The following GRIA4 variants were observed in gnomAD, a reference collection of about 807,000 sequenced individuals.
GRIA4 encodes the protein glutamate receptor 4.
GRIA4 carries 34 observed loss-of-function variants against 104.0 expected under a neutral mutation model. That is an observed-to-expected ratio of 0.33 (90% CI 0.25 to 0.44). The LOEUF (loss-of-function observed/expected upper bound fraction) is 0.44, where lower values mean the gene tolerates loss of function less well. GRIA4 is among the 20% of genes least tolerant of loss of function. The probability of loss-of-function intolerance (pLI) is 1.00; values close to 1 mark genes in which losing one functional copy is unlikely to be tolerated. For synonymous variants in GRIA4, 386 were observed against 381.9 expected, an observed-to-expected ratio of 1.01 and a Z score of -0.13; for missense variants, 750 against 1,096.5, an observed-to-expected ratio of 0.68 and a Z score of 4.46.
intron 3 of GRIA4, among the ~76,000 whole-genome samples, chr11:105,667,594 C>T (rs1952207359): frequency 6.6e-6 from 1 of 152,002 alleles, no homozygotes; most frequent in African/African-American, 2.4e-5. Flanking sequence ...GATTCATAAA[C>T]AACCTGAGTA....
intron 14 of GRIA4, among the ~76,000 whole-genome samples, chr11:105,961,567 T>C (rs1192706590): frequency 1.3e-5 from 2 of 152,166 alleles, no homozygotes; most frequent in Admixed American, 6.5e-5. Context: ...ACCAGAAGTG[T>C]TTTGGATTTC....
chr11:105,858,518 T>C (rs777467297), intron 4 of GRIA4, among the ~76,000 whole-genome samples: 1 of 152,176 alleles, frequency 6.6e-6, no homozygotes, highest in Non-Finnish European at 1.5e-5. Flanking sequence ...AACATTCTAG[T>C]TATACTCTTA....
chr11:105,705,796 T>C (rs1953675894), intron 3 of GRIA4, among the ~76,000 whole-genome samples: 1 of 152,168 alleles, frequency 6.6e-6, no homozygotes, highest in African/African-American at 2.4e-5. Flanking sequence ...TGTCACACAT[T>C]GTTAGAGGCA....
At chr11:105,953,060 T>C (rs2136243927) in intron 14 of GRIA4, among the ~76,000 whole-genome samples, 1 of 152,316 alleles carries the variant, frequency 6.6e-6, no homozygotes, top group South Asian at 2.1e-4. Flanking sequence ...CTGGAATGAA[T>C]AATTTGGGAA....
intron 3 of GRIA4, among the ~76,000 whole-genome samples, chr11:105,676,554 T>C (rs1428517869): frequency 6.6e-6 from 1 of 151,720 alleles, no homozygotes; most frequent in Non-Finnish European, 1.5e-5. Flanking sequence ...ATAAGGTATG[T>C]GTTTGTATGT....
chr11:105,639,321 C>G lies in GRIA4; in HGVS notation c.247+26887C>G, dbSNP rs557716520. 2.0e-5 allele frequency among the ~76,000 whole-genome samples: 3 copies of G among 152,098 alleles called. No homozygotes were observed. The South Asian group carries it at 6.2e-4, about 32-fold the overall frequency. On this transcript the variant is annotated intron_variant, in intron 3 of 16. Coordinates refer to ENST00000282499, the MANE Select transcript of GRIA4 (RefSeq NM_000829.4). Reference sequence around the variant, plus strand: ...AATATATTTTAAAATTCTTTTTAAACAGAGGGAATTAATTTCATGACTATA... The same window carrying G: ...AATATATTTTAAAATTCTTTTTAAAGAGAGGGAATTAATTTCATGACTATA...
intron 14 of GRIA4, among the ~76,000 whole-genome samples, chr11:105,952,487 CTAGCTAATGCT>C (rs1417293940): frequency 6.6e-6 from 1 of 152,152 alleles, no homozygotes; most frequent in Non-Finnish European, 1.5e-5. Context: ...ATCAAACTCC[CTAGCTAATGCT>C]CTGGCTAAGT....
chr11:105,832,176 A>C (rs1220644152), intron 4 of GRIA4, among the ~76,000 whole-genome samples: 1 of 151,992 alleles, frequency 6.6e-6, no homozygotes, highest in African/African-American at 2.4e-5. Context: ...CCAGTAGAGC[A>C]TTCTGAGAAA....
At chr11:105,799,629 C>T (rs1301420106) in intron 4 of GRIA4, among the ~76,000 whole-genome samples, 2 of 151,876 alleles carry the variant, frequency 1.3e-5, no homozygotes, top group Admixed American at 6.6e-5. Flanking sequence ...TATTTTATTA[C>T]TATTTAGTTA....
intron 14 of GRIA4, among the ~76,000 whole-genome samples, chr11:105,945,222 A>G (rs1393182932): frequency 1.3e-5 from 2 of 152,146 alleles, no homozygotes; most frequent in Non-Finnish European, 2.9e-5. Context: ...ACTCTAAGCC[A>G]ATCTTCAAGG....
intron 16 of GRIA4, among the ~76,000 whole-genome samples, chr11:105,976,021 T>C (rs1178754192): frequency 6.6e-6 from 1 of 152,070 alleles, no homozygotes; most frequent in Non-Finnish European, 1.5e-5. Flanking sequence ...TGGGATAATA[T>C]CAAGGTGTCT....
At chr11:105,702,087 C>A (rs1408140706) in intron 3 of GRIA4, among the ~76,000 whole-genome samples, 1 of 152,040 alleles carries the variant, frequency 6.6e-6, no homozygotes, top group African/African-American at 2.4e-5. Flanking sequence ...GGTGCTGCAA[C>A]TACATCTGGC....
At chr11:105,895,080 T>C (rs1240019071) in intron 6 of GRIA4, among the ~76,000 whole-genome samples, 2 of 102,568 alleles carry the variant, frequency 1.9e-5, no homozygotes, top group African/African-American at 3.6e-5. Context: ...ATTACAGGCG[T>C]GAGCCACCGC....
chr11:105,785,961 A>G (rs1941942829), intron 4 of GRIA4, among the ~76,000 whole-genome samples: 1 of 151,966 alleles, frequency 6.6e-6, no homozygotes, highest in Non-Finnish European at 1.5e-5. Context: ...CCTGGACAAC[A>G]CAGTGAAACC....
At chr11:105,852,100 G>A (rs1391520980) in intron 4 of GRIA4, among the ~76,000 whole-genome samples, 1 of 152,204 alleles carries the variant, frequency 6.6e-6, no homozygotes, top group East Asian at 1.9e-4. Context: ...GGTGTGGGAT[G>A]AGGGTGAAGC....
At chr11:105,674,302 C>T (rs562187168) in intron 3 of GRIA4, among the ~76,000 whole-genome samples, 1 of 151,692 alleles carries the variant, frequency 6.6e-6, no homozygotes, top group Non-Finnish European at 1.5e-5. Flanking sequence ...GATTAAATAA[C>T]AATTTTGCTA....
intron 10 of GRIA4, chr11:105,913,217 A>G (rs2136172397): frequency 5.4e-6 from 2 of 373,156 alleles, no homozygotes; most frequent in African/African-American, 2.2e-5. Flanking sequence ...CTTATAGTAT[A>G]TTGAGAGAAA....
chr11:105,887,387 T>A (rs1035206652), intron 5 of GRIA4, 132 bp from the exon 6 acceptor site: 4 of 499,980 alleles, frequency 8.0e-6, no homozygotes, highest in Non-Finnish European at 1.4e-5. Context: ...AGTACGTGAC[T>A]TTTATTTTTT....
At chr11:105,616,301 C>T (rs911957253) in intron 3 of GRIA4, among the ~76,000 whole-genome samples, 2 of 151,384 alleles carry the variant, frequency 1.3e-5, no homozygotes, top group South Asian at 4.1e-4. Context: ...ATATTATGCC[C>T]TAGTAATGAT....
Sources: gnomAD v4.1 joint callset for allele counts (sites outside exome capture counted in the v4.1 genomes callset) on GRCh38, gnomAD v4.1.1 for gene constraint, MANE v1.5 for transcripts, NCBI Gene and HGNC (gene_info 2026-07-23, HGNC 2026-07-21) for gene names.